Variants in METTL15 observed in about 807,000 individuals in gnomAD.
The protein encoded by METTL15 is methyltransferase 15, mitochondrial 12S rRNA N4-cytidine, also known as 12S rRNA N(4)-cytidine methyltransferase METTL15.
A neutral mutation model predicts 38.3 loss-of-function variants in METTL15; 34 were observed. That is an observed-to-expected ratio of 0.89 (90% confidence interval 0.68 to 1.18). The LOEUF is 1.18. Among genes scored for constraint, METTL15 ranks in the 50% most tolerant of loss-of-function variants. The pLI is 0.00. For missense variants in METTL15, 438 were observed against 498.4 expected (o/e 0.88, Z 1.15); for synonymous variants, 162 against 170.9 (o/e 0.95, Z 0.41).
chr11:28,298,311 G>A (rs1018674280), intron 6 of METTL15, among the ~76,000 whole-genome samples: 2 of 152,046 alleles, frequency 1.3e-5, no homozygotes, highest in Non-Finnish European at 2.9e-5. Flanking sequence ...GGAAAGAAAA[G>A]CAGTGAGAAG....
At chr11:28,238,059 G>T (rs879524143) in intron 4 of METTL15, among the ~76,000 whole-genome samples, 2 of 152,186 alleles carry the variant, frequency 1.3e-5, no homozygotes, top group Non-Finnish European at 2.9e-5. Flanking sequence ...CAGGGGTCAG[G>T]GACCCACTTG....
chr11:28,115,533 C>T (rs959565989), intron 3 of METTL15, among the ~76,000 whole-genome samples: 16 of 152,194 alleles, frequency 1.1e-4, no homozygotes, highest in Non-Finnish European at 1.3e-4. Flanking sequence ...GCTGGGATTA[C>T]AGGTGTGAGC....
chr11:28,134,426 G>A, intron 3 of METTL15: 1 of 396,906 alleles, frequency 2.5e-6, no homozygotes. Flanking sequence ...ACATATTTAG[G>A]CAAGGCCCCT....
At position 28,520,689 on chromosome 11, in the gene METTL15, T is replaced by C. The variant is rs138715918; in HGVS notation, c.*425-5789T>C. ...GATTTGACTAGAATTTCTAGCATGC[T>C]ATAAAATTTCAGGTTAGTTTAATAG... is the stretch of plus-strand genomic sequence containing the variant. On this transcript the variant is annotated intron_variant and NMD_transcript_variant, in intron 6 of 7. Coordinates refer to the METTL15 transcript ENST00000532947. 3.5e-3 allele frequency among the ~76,000 whole-genome samples: 535 copies of C among 152,356 alleles called. 6 individuals are homozygous for C. The highest frequency in any genetic ancestry group is 0.013 in the South Asian group (64 of 4,822).
At position 28,205,377 on chromosome 11, in the gene METTL15, A is replaced by G. The variant is rs560990606; in HGVS notation, c.271-5685A>G. ...CAGTGTTTGTTTTTTTGTTCTTGCA[A>G]TAGTTTACTGAGAATGATAATTTCC... On this transcript the variant is annotated intron_variant, in intron 3 of 6. Transcript: ENST00000407364. 5.3e-5 allele frequency among the ~76,000 whole-genome samples: 8 copies of G among 151,736 alleles called. 1 individual carries two copies. In the South Asian group the frequency reaches 1.0e-3, roughly 20 times the overall value.
At chr11:28,376,272 A>G (rs1018056223) in intron 5 of METTL15, among the ~76,000 whole-genome samples, 2 of 151,758 alleles carry the variant, frequency 1.3e-5, no homozygotes, top group African/African-American at 4.8e-5. Flanking sequence ...TGGGGTGTTA[A>G]AGTCTCCCAT....
chr11:28,496,805 A>G (rs750680192), intron 6 of METTL15, among the ~76,000 whole-genome samples: 73 of 152,222 alleles, frequency 4.8e-4, no homozygotes, highest in Non-Finnish European at 9.3e-4. Flanking sequence ...TGCAATCTGT[A>G]TGGTCCTTTC....
intron 5 of METTL15, among the ~76,000 whole-genome samples, chr11:28,419,678 A>G (rs1006628773): frequency 3.9e-5 from 6 of 152,216 alleles, no homozygotes; most frequent in African/African-American, 1.4e-4. Flanking sequence ...ATAAGGTGTG[A>G]GAGGCCAATC....
intron 3 of METTL15, among the ~76,000 whole-genome samples, chr11:28,191,609 AT>A (rs1851702974): frequency 1.3e-5 from 2 of 151,746 alleles, no homozygotes; most frequent in South Asian, 4.1e-4. Flanking sequence ...ATGGTTAGTA[AT>A]CTAGTGTCTA....
At chr11:28,528,481 G>A (rs977613224), downstream of METTL15, among the ~76,000 whole-genome samples, 5 of 152,158 alleles carry the variant, frequency 3.3e-5, no homozygotes, top group Admixed American at 6.5e-5. Context: ...CTAAGTCAGC[G>A]TGATTGGTTA....
intron 5 of METTL15, among the ~76,000 whole-genome samples, chr11:28,415,922 T>C (rs1850768540): frequency 6.6e-6 from 1 of 152,180 alleles, no homozygotes. Flanking sequence ...CAGTCTTACT[T>C]GTAAAATTTG....
chr11:28,333,033 A>T lies in METTL15; in HGVS notation c.*2192A>T, dbSNP rs909087932. The T allele has an allele frequency of 6.7e-5, 10 of 149,188 alleles. No individual in the cohort carries two copies. The highest frequency in any genetic ancestry group is 1.3e-4 in the Non-Finnish European group (9 of 67,636). The allele number at this position is 149,188 out of a possible 1,614,324, so 9.2% of individuals were successfully genotyped here. The stretch of plus-strand genomic sequence containing the variant: ...GAGATTGGAGTGATACATTGTGGGA[A>T]CCCTCAGAAGATAGGAAAAAAGCAT... On this transcript the variant is annotated 3_prime_UTR_variant, in exon 7 of 7. Coordinates refer to ENST00000407364, the MANE Select transcript of METTL15 (RefSeq NM_001113528.2).
chr11:28,214,747 G>C (rs1852790854), intron 4 of METTL15, among the ~76,000 whole-genome samples: 1 of 152,114 alleles, frequency 6.6e-6, no homozygotes, highest in Non-Finnish European at 1.5e-5. Flanking sequence ...GTCTGACAAA[G>C]GCTAAAGCAA....
intron 4 of METTL15, among the ~76,000 whole-genome samples, chr11:28,282,143 A>G (rs1590258370): frequency 6.6e-6 from 1 of 152,278 alleles, no homozygotes; most frequent in East Asian, 1.9e-4. Flanking sequence ...CTTCTTACAG[A>G]ACCCTTACTG....
At chr11:28,256,299 G>A (rs1296611134) in intron 4 of METTL15, among the ~76,000 whole-genome samples, 1 of 152,068 alleles carries the variant, frequency 6.6e-6, no homozygotes, top group South Asian at 2.1e-4. Flanking sequence ...TATGTTTGGC[G>A]GAATTCAGCA....
At chr11:28,193,879 G>A (rs1398372725) in intron 3 of METTL15, among the ~76,000 whole-genome samples, 2 of 152,012 alleles carry the variant, frequency 1.3e-5, no homozygotes, top group East Asian at 3.9e-4. Flanking sequence ...TCTTTAGTTT[G>A]ACATTTAAAT....
chr11:28,252,498 C>G (rs1176345746), intron 4 of METTL15, among the ~76,000 whole-genome samples: 2 of 152,124 alleles, frequency 1.3e-5, no homozygotes. Context: ...GCCATTAGCT[C>G]CACCATCCTA....
At chr11:28,144,238 A>T (rs935433403) in intron 3 of METTL15, among the ~76,000 whole-genome samples, 1 of 152,124 alleles carries the variant, frequency 6.6e-6, no homozygotes, top group African/African-American at 2.4e-5. Context: ...TTACTGCCAA[A>T]ATATATAGAT....
intron 2 of METTL15, 21 bp from the exon 3 acceptor site, chr11:28,113,297 T>C (rs1301828465): frequency 6.9e-7 from 1 of 1,459,702 alleles, no homozygotes; most frequent in East Asian, 2.3e-5. Flanking sequence ...CCAACAATCA[T>C]ATTTTAATTT....
Sources: gnomAD v4.1 joint callset for allele counts (sites outside exome capture counted in the v4.1 genomes callset) on GRCh38, gnomAD v4.1.1 for gene constraint, MANE v1.5 for transcripts, NCBI Gene and HGNC (gene_info 2026-07-23, HGNC 2026-07-21) for gene names.